PCDHGA2: variants seen among roughly 807,000 people sequenced by gnomAD.
The protein encoded by PCDHGA2 is protocadherin gamma subfamily A, 2.
Under a neutral mutation model 59.2 loss-of-function variants are expected in PCDHGA2, and 40 were observed. That is an observed-to-expected ratio of 0.68 (90% CI 0.52 to 0.88). The LOEUF is 0.88. Among genes scored for constraint, PCDHGA2 ranks in the 40% least tolerant of loss-of-function variants. The probability of loss-of-function intolerance (pLI) is 0.00; values close to 1 mark genes in which losing one functional copy is unlikely to be tolerated. For missense variants in PCDHGA2, 1,226 were observed against 1,204.0 expected (o/e 1.02, Z -0.27); for synonymous variants, 560 against 526.0 (o/e 1.06, Z -0.89).
intron 1 of PCDHGA2, chr5:141,352,274 A>G (rs1220705648): frequency 6.2e-7 from 1 of 1,614,064 alleles, no homozygotes; most frequent in East Asian, 2.2e-5. Context: ...GCCAGACCTC[A>G]GCGACCGCCC....
At chr5:141,417,890 G>GCCGGC (rs2096180101) in intron 1 of PCDHGA2, 1 of 1,568,496 alleles carries the variant, frequency 6.4e-7, no homozygotes, top group Non-Finnish European at 8.6e-7. Context: ...GAGGCGCCGG[G>GCCGGC]CCGGCCCGCG....
chr5:141,406,781 T>C (rs1054583306), intron 1 of PCDHGA2, among the ~76,000 whole-genome samples: 4 of 152,218 alleles, frequency 2.6e-5, no homozygotes, highest in Non-Finnish European at 5.9e-5. Context: ...CTCTCACTTA[T>C]ATATTATTTC....
chr5:141,444,893 G>T (rs1238224263), intron 1 of PCDHGA2, among the ~76,000 whole-genome samples: 1 of 152,160 alleles, frequency 6.6e-6, no homozygotes, highest in Admixed American at 6.5e-5. Flanking sequence ...TTTTGAATGG[G>T]ATGGCATTGC....
chr5:141,457,504 A>G (rs2098922754), intron 1 of PCDHGA2, among the ~76,000 whole-genome samples: 1 of 152,222 alleles, frequency 6.6e-6, no homozygotes, highest in Non-Finnish European at 1.5e-5. Context: ...GTAGGCAAAA[A>G]GCTTAAAAAC....
At chr5:141,416,093 C>T (rs1241017265) in intron 1 of PCDHGA2, 1 of 162,720 alleles carries the variant, frequency 6.1e-6, no homozygotes, top group Admixed American at 6.4e-5. Flanking sequence ...AGGAGAAGGG[C>T]AATAGGCCTT....
chr5:141,350,459 A>G, intron 1 of PCDHGA2: 1 of 1,613,440 alleles, frequency 6.2e-7, no homozygotes, highest in South Asian at 1.1e-5. Flanking sequence ...ACTGCGGGTT[A>G]GTGCAGAGGA....
intron 1 of PCDHGA2, chr5:141,345,664 G>A (rs1290860917): frequency 1.9e-6 from 3 of 1,614,118 alleles, no homozygotes; most frequent in Non-Finnish European, 2.5e-6. Flanking sequence ...CCACTCAGCA[G>A]CAACGTGTCG....
At chr5:141,470,838 C>T (rs142581300) in intron 1 of PCDHGA2, among the ~76,000 whole-genome samples, 5 of 152,222 alleles carry the variant, frequency 3.3e-5, no homozygotes, top group African/African-American at 7.2e-5. Flanking sequence ...CAAACACACG[C>T]CACCATGCTC....
In PCDHGA2 at chr5:141,476,499, TC is replaced by T; in HGVS notation, c.2425-18307del. 1 of 1,614,110 alleles carries T rather than the reference TC, an allele frequency of 6.2e-7. No individual in the cohort carries two copies. Among genetic ancestry groups the T allele is most frequent in the Non-Finnish European group, 8.5e-7 (1 of 1,180,020 alleles). ...AGCGTGGAAGTGGTGATCCAGGACATCAACGACAACAATCCTGCTTTCCCTA... is the reference window on the plus strand; with the variant it reads ...AGCGTGGAAGTGGTGATCCAGGACATAACGACAACAATCCTGCTTTCCCTA... On this transcript the variant is annotated intron_variant, in intron 1 of 3. Transcript: ENST00000394576. The surrounding 1 kb of genome is among the most constrained non-coding windows in gnomAD (Gnocchi z 7.6).
In PCDHGA2 at chr5:141,399,495, T is replaced by G. The variant is rs779594817; in HGVS notation, c.2424+58100T>G. On this transcript the variant is annotated intron_variant, in intron 1 of 3. Transcript: ENST00000394576. ...TCCACCAGGCGTCCTACTTAGTCAGTGTACCCGAAAACAACCCTCCTGGGG... is the reference window on the plus strand; with the variant it reads ...TCCACCAGGCGTCCTACTTAGTCAGGGTACCCGAAAACAACCCTCCTGGGG... 1.1e-5 allele frequency: 18 copies of G among 1,613,916 alleles called. No individual in the cohort carries two copies. Among genetic ancestry groups the G allele is most frequent in the Non-Finnish European group, 1.5e-5 (18 of 1,179,912 alleles).
At chr5:141,352,190 G>C (rs777164799) in intron 1 of PCDHGA2, 4 of 1,613,754 alleles carry the variant, frequency 2.5e-6, no homozygotes, top group Non-Finnish European at 3.4e-6. Context: ...CGCTGTGCGT[G>C]ATGGAGGACA....
chr5:141,450,615 T>C (rs2098687601), intron 1 of PCDHGA2, among the ~76,000 whole-genome samples: 1 of 151,340 alleles, frequency 6.6e-6, no homozygotes, highest in African/African-American at 2.4e-5. Flanking sequence ...GCCTCCTGAG[T>C]AGCTGGGATT....
At chr5:141,388,353 G>A (rs1441506976) in intron 1 of PCDHGA2, 1 of 1,613,858 alleles carries the variant, frequency 6.2e-7, no homozygotes, top group Non-Finnish European at 8.5e-7. Flanking sequence ...ATTAGGATCT[G>A]CCCATGATGC....
intron 1 of PCDHGA2, chr5:141,399,959 G>T (rs1257286209): frequency 6.2e-7 from 1 of 1,612,230 alleles, no homozygotes; most frequent in East Asian, 2.2e-5. Context: ...AGCGAGCCCG[G>T]GCTCTTCAGC....
intron 1 of PCDHGA2, chr5:141,357,612 T>C: frequency 6.2e-7 from 1 of 1,613,924 alleles, no homozygotes; most frequent in Non-Finnish European, 8.5e-7. Context: ...AAGGAGACCC[T>C]AATCTTCAGG....
intron 1 of PCDHGA2, chr5:141,409,837 C>T (rs182654621): frequency 2.2e-5 from 36 of 1,611,350 alleles, no homozygotes; most frequent in Non-Finnish European, 2.9e-5. Context: ...TCAGCGCCAA[C>T]GTGAGCCTGC....
chr5:141,351,882 A>C, intron 1 of PCDHGA2: 1 of 1,613,352 alleles, frequency 6.2e-7, no homozygotes, highest in South Asian at 1.1e-5. Context: ...CTCAGCGCCA[A>C]CGTGAGCCTG....
At chr5:141,442,253 G>A (rs910914393) in intron 1 of PCDHGA2, 2 of 153,064 alleles carry the variant, frequency 1.3e-5, no homozygotes, top group Non-Finnish European at 2.9e-5. Flanking sequence ...TGCATTGTTT[G>A]TGCTGGTTTT....
chr5:141,362,776 G>C (rs1407810350), intron 1 of PCDHGA2: 1 of 601,614 alleles, frequency 1.7e-6, no homozygotes, highest in Non-Finnish European at 2.8e-6. Flanking sequence ...ATATTGCACT[G>C]TATTTCTTTT....
Sources: gnomAD v4.1 joint callset for allele counts (sites outside exome capture counted in the v4.1 genomes callset) on GRCh38, gnomAD v4.1.1 for gene constraint, Gnocchi (gnomAD v3.1) non-coding constraint, MANE v1.5 for transcripts, NCBI Gene and HGNC (gene_info 2026-07-23, HGNC 2026-07-21) for gene names.